Variants in MYO16 observed in about 807,000 individuals in gnomAD.
MYO16 encodes the protein unconventional myosin-XVI.
In MYO16, 94 loss-of-function variants were observed where a neutral mutation model predicts 205.3. The observed-to-expected ratio is 0.46, with a 90% CI of 0.39 to 0.54. The LOEUF (loss-of-function observed/expected upper bound fraction) is 0.54, where lower values mean the gene tolerates loss of function less well. Among genes scored for constraint, MYO16 ranks in the 20% least tolerant of loss-of-function variants. The pLI, the probability that MYO16 is intolerant of heterozygous loss-of-function variation, is 0.00. For missense variants in MYO16, 2,315 were observed against 2,387.5 expected, an observed-to-expected ratio of 0.97 and a Z score of 0.63; for synonymous variants, 988 against 954.0, an observed-to-expected ratio of 1.04 and a Z score of -0.66.
chr13:108,511,242 C>A, the MYO16 span, among the ~76,000 whole-genome samples: 29 of 138,844 alleles, frequency 2.1e-4, 4 homozygotes, highest in East Asian at 6.3e-3. Context: ...GAGCTTTCTT[C>A]GTGTGTTTTT....
At chr13:109,076,575 C>A (rs1888111613) in intron 27 of MYO16, among the ~76,000 whole-genome samples, 1 of 152,130 alleles carries the variant, frequency 6.6e-6, no homozygotes, top group Admixed American at 6.6e-5. Context: ...AATACCATTT[C>A]TTATTTTCTA....
At chr13:108,760,265 A>G (rs1885561761) in intron 4 of MYO16, among the ~76,000 whole-genome samples, 1 of 152,196 alleles carries the variant, frequency 6.6e-6, no homozygotes, top group East Asian at 1.9e-4. Flanking sequence ...ACAGCTCCTT[A>G]AGAGAGCTCT....
the MYO16 span, among the ~76,000 whole-genome samples, chr13:108,510,461 GTTTTT>G: frequency 2.2e-4 from 10 of 45,916 alleles, no homozygotes; most frequent in African/African-American, 8.0e-4. Context: ...ATTGATAGCT[GTTTTT>G]TTTTTTTTTT....
the MYO16 span, among the ~76,000 whole-genome samples, chr13:108,576,520 G>A: frequency 2.0e-5 from 3 of 152,100 alleles, no homozygotes; most frequent in Non-Finnish European, 2.9e-5. Flanking sequence ...TTATTTATTC[G>A]ACACACAAAA....
chr13:108,807,873 A>G (rs1318935607), intron 7 of MYO16, among the ~76,000 whole-genome samples: 1 of 152,206 alleles, frequency 6.6e-6, no homozygotes, highest in African/African-American at 2.4e-5. Flanking sequence ...AAGAATGATA[A>G]AAGAAAATTA....
intron 16 of MYO16, among the ~76,000 whole-genome samples, chr13:108,952,879 G>A (rs1211497438): frequency 6.6e-6 from 1 of 151,922 alleles, no homozygotes; most frequent in African/African-American, 2.4e-5. Context: ...TAAGTTAAAG[G>A]GTATGAACGC....
chr13:109,164,669 T>C (rs1878554823), intron 32 of MYO16, among the ~76,000 whole-genome samples: 1 of 152,204 alleles, frequency 6.6e-6, no homozygotes, highest in East Asian at 1.9e-4. Flanking sequence ...TTTATAAATA[T>C]GTTTGAATGC....
intron 33 of MYO16, among the ~76,000 whole-genome samples, chr13:109,175,444 T>C (rs1278087493): frequency 6.6e-6 from 1 of 152,228 alleles, no homozygotes; most frequent in Non-Finnish European, 1.5e-5. Flanking sequence ...TTCCTTCCCC[T>C]GAACATCTGC....
At chr13:108,520,919 T>C in the MYO16 span, among the ~76,000 whole-genome samples, 1 of 152,152 alleles carries the variant, frequency 6.6e-6, no homozygotes. Context: ...CTCAAATGAG[T>C]CTGTGCAATG....
At chr13:108,836,709 G>A (rs535814716) in intron 9 of MYO16, among the ~76,000 whole-genome samples, 64 of 152,270 alleles carry the variant, frequency 4.2e-4, no homozygotes, top group South Asian at 2.1e-4. Flanking sequence ...AAAGAGAATC[G>A]TTATGGAACG....
intron 32 of MYO16, among the ~76,000 whole-genome samples, chr13:109,157,880 C>T (rs890981978): frequency 3.3e-5 from 5 of 152,028 alleles, no homozygotes; most frequent in South Asian, 2.1e-4. Context: ...TGCACTTACC[C>T]GGTCGTCATA....
chr13:108,880,445 T>C (rs2139160964), intron 12 of MYO16, among the ~76,000 whole-genome samples: 1 of 152,348 alleles, frequency 6.6e-6, no homozygotes, highest in African/African-American at 2.4e-5. Context: ...CCCATGCCTA[T>C]GACCTAAATG....
At chr13:108,825,132 C>G (rs755272445) in intron 9 of MYO16, among the ~76,000 whole-genome samples, 2 of 151,990 alleles carry the variant, frequency 1.3e-5, no homozygotes, top group African/African-American at 4.8e-5. Flanking sequence ...ATGAATATAG[C>G]TTTAAGACAC....
chr13:109,093,022 G>GT (rs374322718), intron 27 of MYO16, among the ~76,000 whole-genome samples: 38 of 151,818 alleles, frequency 2.5e-4, no homozygotes, highest in Middle Eastern at 3.4e-3. Context: ...TATGATTTCT[G>GT]TTTTTTTTAG....
intron 1 of MYO16, among the ~76,000 whole-genome samples, chr13:108,606,712 C>T (rs1221794656): frequency 6.6e-6 from 1 of 151,900 alleles, no homozygotes. Flanking sequence ...CCCATTGGGG[C>T]ACTGTCTAGT....
intron 27 of MYO16, among the ~76,000 whole-genome samples, chr13:109,077,045 A>C (rs1186198723): frequency 6.8e-6 from 1 of 146,732 alleles, no homozygotes; most frequent in Non-Finnish European, 1.5e-5. Flanking sequence ...AGGCTGAAGT[A>C]GTCTTGCTTT....
intron 9 of MYO16, among the ~76,000 whole-genome samples, chr13:108,843,235 C>T (rs183516490): frequency 6.6e-6 from 1 of 151,946 alleles, no homozygotes; most frequent in African/African-American, 2.4e-5. Context: ...TCACATTATA[C>T]ACCTTAAATA....
intron 4 of MYO16, among the ~76,000 whole-genome samples, chr13:108,759,300 G>A (rs1207276654): frequency 2.0e-5 from 3 of 152,166 alleles, no homozygotes; most frequent in Non-Finnish European, 2.9e-5. Flanking sequence ...ATGTAGATAC[G>A]AGAGGAATTG....
intron 4 of MYO16, 55 bp downstream of exon 4, chr13:108,727,638 A>G (rs1291534869): frequency 7.7e-6 from 12 of 1,553,932 alleles, no homozygotes; most frequent in Admixed American, 2.0e-5. Flanking sequence ...GTAAAAGGCT[A>G]TATATTTAAC....
Sources: gnomAD v4.1 joint callset for allele counts (sites outside exome capture counted in the v4.1 genomes callset) on GRCh38, gnomAD v4.1.1 for gene constraint, MANE v1.5 for transcripts, NCBI Gene and HGNC (gene_info 2026-07-23, HGNC 2026-07-21) for gene names.